Variants in SYN3 observed in about 807,000 individuals in gnomAD.
The protein encoded by SYN3 is synapsin III.
Under a neutral mutation model 65.8 loss-of-function variants are expected in SYN3, and 35 were observed. That is an observed-to-expected ratio of 0.53 (90% CI 0.41 to 0.70). The LOEUF is 0.70. Ranked by LOEUF, SYN3 falls within the 30% of genes least tolerant of loss-of-function variation. SYN3 has a pLI of 0.00. For missense variants in SYN3, 680 were observed against 749.0 expected, an observed-to-expected ratio of 0.91 and a Z score of 1.08; for synonymous variants, 270 against 292.9, an observed-to-expected ratio of 0.92 and a Z score of 0.80.
At chr22:32,915,094 G>C (rs1362766685) in intron 4 of SYN3, among the ~76,000 whole-genome samples, 1 of 152,124 alleles carries the variant, frequency 6.6e-6, no homozygotes, top group Non-Finnish European at 1.5e-5. Flanking sequence ...GACACAGGGA[G>C]AGGAACATCA....
At chr22:32,541,519 C>T (rs547334487) in intron 8 of SYN3, 52 bp downstream of exon 8, 5 of 1,609,692 alleles carry the variant, frequency 3.1e-6, no homozygotes, top group Middle Eastern at 1.7e-4. Flanking sequence ...GGACATGCAC[C>T]TCTGGGCTGC....
At chr22:32,558,909 G>A (rs1208847791) in intron 7 of SYN3, among the ~76,000 whole-genome samples, 1 of 152,250 alleles carries the variant, frequency 6.6e-6, no homozygotes, top group African/African-American at 2.4e-5. Flanking sequence ...AGGCTGGGGA[G>A]GCTGGGGTGG....
intron 12 of SYN3, among the ~76,000 whole-genome samples, chr22:32,525,048 C>T (rs2057952906): frequency 6.6e-6 from 1 of 152,236 alleles, no homozygotes; most frequent in African/African-American, 2.4e-5. Context: ...GCTATAGTTG[C>T]CATAGACAGT....
At chr22:32,869,449 G>A (rs1470723463) in intron 4 of SYN3, among the ~76,000 whole-genome samples, 2 of 149,746 alleles carry the variant, frequency 1.3e-5, no homozygotes, top group East Asian at 2.0e-4. Flanking sequence ...TGAATCAACC[G>A]AGATTCTGCA....
chr22:32,814,324 A>AAAGAAAGAAAGAAAGAAAGGAAGAAAGG lies in SYN3; in HGVS notation c.711+50590_711+50591insCCTTTCTTCCTTTCTTTCTTTCTTTCTT, dbSNP rs143987389. ...AGGAGAGAGAGAGAGAGACAGAAAG[A>AAAGAAAGAAAGAAAGAAAGGAAGAAAGG]AAGAAAGAAAGAAAGAGAAAGAAAG... On this transcript the variant is annotated intron_variant, in intron 6 of 13. Coordinates refer to ENST00000358763, the MANE Select transcript of SYN3 (RefSeq NM_003490.4). 8.0e-4 allele frequency among the ~76,000 whole-genome samples: 53 copies of AAAGAAAGAAAGAAAGAAAGGAAGAAAGG among 65,942 alleles called. 1 individual carries two copies. The highest frequency in any genetic ancestry group is 6.4e-3 in the East Asian group (13 of 2,016). The allele number at this position is 65,942 out of a possible 152,430, so 43.3% of individuals were successfully genotyped here.
intron 3 of SYN3, among the ~76,000 whole-genome samples, chr22:32,951,986 C>T (rs1036895844): frequency 1.3e-5 from 2 of 152,228 alleles, no homozygotes; most frequent in Non-Finnish European, 2.9e-5. Context: ...GAACTGCTTC[C>T]TGTCCACTTC....
At chr22:32,758,623 T>C (rs188089630) in intron 6 of SYN3, among the ~76,000 whole-genome samples, 3 of 136,406 alleles carry the variant, frequency 2.2e-5, no homozygotes, top group Admixed American at 8.3e-5. Flanking sequence ...CTCCTCAAGC[T>C]TGCAGACAGC....
chr22:32,745,915 C>A (rs2044919539), intron 6 of SYN3, among the ~76,000 whole-genome samples: 1 of 152,152 alleles, frequency 6.6e-6, no homozygotes, highest in Admixed American at 6.5e-5. Context: ...GTCATTCCTG[C>A]TGCTTAGAAG....
chr22:32,927,201 C>T (rs1298587435), intron 4 of SYN3, among the ~76,000 whole-genome samples: 1 of 151,086 alleles, frequency 6.6e-6, no homozygotes, highest in Admixed American at 6.6e-5. Context: ...CAACCATTTA[C>T]TTTGTGTTAT....
intron 6 of SYN3, among the ~76,000 whole-genome samples, chr22:32,607,776 G>T: frequency 6.6e-6 from 1 of 152,190 alleles, no homozygotes; most frequent in Non-Finnish European, 1.5e-5. Context: ...TCTTGTTCTT[G>T]CCTGTGTGAT....
intron 2 of SYN3, among the ~76,000 whole-genome samples, chr22:32,984,382 A>C (rs2052463758): frequency 6.6e-6 from 1 of 151,850 alleles, no homozygotes; most frequent in African/African-American, 2.4e-5. Context: ...TTAATTCCCC[A>C]CCCACTCTCC....
chr22:32,859,059 G>A (rs1319787494), intron 6 of SYN3: 1 of 869,446 alleles, frequency 1.2e-6, no homozygotes, highest in South Asian at 1.4e-5. Context: ...TGATCACTGA[G>A]GGACTGATGT....
chr22:32,963,080 CTTTT>C (rs34940764), intron 3 of SYN3, among the ~76,000 whole-genome samples: 1 of 140,374 alleles, frequency 7.1e-6, no homozygotes, highest in Non-Finnish European at 1.5e-5. Context: ...TTACAAAATA[CTTTT>C]TTTTTTTTTT....
chr22:32,928,327 C>T (rs1273884106), intron 4 of SYN3, among the ~76,000 whole-genome samples: 1 of 151,448 alleles, frequency 6.6e-6, no homozygotes, highest in East Asian at 1.9e-4. Flanking sequence ...GAGACTCCGT[C>T]TCAAAAAAAA....
At position 32,740,474 on chromosome 22, in the gene SYN3, G is replaced by A. The variant is rs186383139; in HGVS notation, c.711+124441C>T. On this transcript the variant is annotated intron_variant, in intron 6 of 13. Transcript: ENST00000358763. ...AATCTTAGAGAATGTGTAGGAGATT[G>A]CCAATCAGAGAAGGGAAGAGAGATG... is the stretch of plus-strand genomic sequence containing the variant. Among the ~76,000 whole-genome samples the A allele has an allele frequency of 1.7e-3, 255 of 152,254 alleles. 2 individuals carry two copies. The highest frequency in any genetic ancestry group is 5.9e-3 in the African/African-American group (247 of 41,548).
In SYN3 at chr22:32,818,292, C is replaced by T. The variant is rs529807700; in HGVS notation, c.711+46623G>A. On this transcript the variant is annotated intron_variant, in intron 6 of 13. Transcript: ENST00000358763. ...ATGGCTCTGCTGGGCAAAGCAAGGA[C>T]GGGCACATCCAGCCTATGCGGTCCA... 4.6e-5 allele frequency among the ~76,000 whole-genome samples: 7 copies of T among 152,278 alleles called. No individual in the cohort carries two copies. In the South Asian group the frequency reaches 8.3e-4, roughly 18 times the overall value.
At chr22:32,845,684 A>G (rs1000952041) in intron 6 of SYN3, among the ~76,000 whole-genome samples, 9 of 152,106 alleles carry the variant, frequency 5.9e-5, no homozygotes, top group Non-Finnish European at 1.3e-4. Flanking sequence ...TCCAGCATGA[A>G]TGGGAATAAA....
intron 1 of SYN3, among the ~76,000 whole-genome samples, chr22:33,022,597 G>A (rs892244674): frequency 1.3e-5 from 2 of 152,166 alleles, no homozygotes; most frequent in Non-Finnish European, 2.9e-5. Flanking sequence ...GACACCGTGG[G>A]TCCCCAGACA....
chr22:32,581,792 CTTTTTTTTTTTT>C (rs10716395), intron 7 of SYN3, among the ~76,000 whole-genome samples: 1 of 84,320 alleles, frequency 1.2e-5, no homozygotes, highest in African/African-American at 4.5e-5. Flanking sequence ...TTCTTTCTTT[CTTTTTTTTTTTT>C]TTTTTTTTTT....
Sources: allele counts gnomAD v4.1 joint callset (sites outside exome capture counted in the v4.1 genomes callset), GRCh38; gene constraint gnomAD v4.1.1; transcripts MANE v1.5; gene names NCBI Gene and HGNC (gene_info 2026-07-23, HGNC 2026-07-21).